Variants in PTK2 observed in about 807,000 individuals in gnomAD.
PTK2 encodes protein tyrosine kinase 2.
A neutral mutation model predicts 150.1 loss-of-function variants in PTK2; 45 were observed. That is an observed-to-expected ratio of 0.30 (90% confidence interval 0.24 to 0.38). The LOEUF (loss-of-function observed/expected upper bound fraction) is 0.38. PTK2 is among the 10% of genes least tolerant of loss of function. PTK2 has a pLI of 1.00. For synonymous variants in PTK2, 432 were observed against 449.2 expected, an observed-to-expected ratio of 0.96 and a Z score of 0.48; for missense variants, 919 against 1,307.3, an observed-to-expected ratio of 0.70 and a Z score of 4.58.
At chr8:140,901,862 G>C (rs2100158619) in intron 2 of PTK2, among the ~76,000 whole-genome samples, 1 of 151,924 alleles carries the variant, frequency 6.6e-6, no homozygotes, top group African/African-American at 2.4e-5. Context: ...CTGTGTCCAT[G>C]TGTTGTCATT....
chr8:140,692,268 A>ATGAG (rs1260395321), intron 26 of PTK2, among the ~76,000 whole-genome samples: 1 of 152,220 alleles, frequency 6.6e-6, no homozygotes, highest in African/African-American at 2.4e-5. Flanking sequence ...TGAATGAAAG[A>ATGAG]TGAGTGCCTA....
chr8:140,779,325 T>C (rs563361118), intron 14 of PTK2, among the ~76,000 whole-genome samples: 23 of 149,690 alleles, frequency 1.5e-4, no homozygotes, highest in African/African-American at 5.4e-4. Context: ...CCTCCCAAAC[T>C]ACGATGGGGG....
intron 27 of PTK2, among the ~76,000 whole-genome samples, chr8:140,684,220 T>C (rs891577213): frequency 9.2e-5 from 14 of 152,020 alleles, no homozygotes; most frequent in Admixed American, 7.9e-4. Flanking sequence ...ACTCAGGGGA[T>C]GGGGTGGGGG....
At chr8:140,791,776 G>C (rs2100088608) in intron 13 of PTK2, among the ~76,000 whole-genome samples, 1 of 152,164 alleles carries the variant, frequency 6.6e-6, no homozygotes, top group South Asian at 2.1e-4. Flanking sequence ...ATCATGCAAA[G>C]ACAGAATATT....
intron 1 of PTK2, among the ~76,000 whole-genome samples, chr8:140,967,402 C>A (rs1587910491): frequency 6.6e-6 from 1 of 151,734 alleles, no homozygotes; most frequent in East Asian, 1.9e-4. Flanking sequence ...AAGAAAATGT[C>A]TGTTTGATGC....
chr8:140,783,908 A>T (rs923939712), intron 14 of PTK2, among the ~76,000 whole-genome samples: 1 of 152,196 alleles, frequency 6.6e-6, no homozygotes, highest in Non-Finnish European at 1.5e-5. Flanking sequence ...ACTAATTTTA[A>T]TTCCAGCACT....
chr8:140,902,933 T>G (rs931048850), intron 2 of PTK2, among the ~76,000 whole-genome samples: 21,066 of 108,540 alleles, frequency 0.19, 2,094 homozygotes, highest in East Asian at 0.34. Context: ...TGTTTTTTTT[T>G]TTTTTTTTTT....
At chr8:140,945,481 G>A (rs933167001) in intron 1 of PTK2, among the ~76,000 whole-genome samples, 6 of 152,100 alleles carry the variant, frequency 3.9e-5, no homozygotes, top group Admixed American at 2.6e-4. Context: ...AGCTACTTGG[G>A]AGGTTGAGGC....
At chr8:140,760,204 G>C (rs952750574) in intron 16 of PTK2, among the ~76,000 whole-genome samples, 1 of 152,044 alleles carries the variant, frequency 6.6e-6, no homozygotes, top group Non-Finnish European at 1.5e-5. Flanking sequence ...CCTGGCGACA[G>C]AGCAAGACTC....
intron 22 of PTK2, among the ~76,000 whole-genome samples, chr8:140,733,281 T>A (rs953126753): frequency 3.0e-4 from 45 of 152,222 alleles, no homozygotes; most frequent in African/African-American, 1.0e-3. Flanking sequence ...TGGATAAACA[T>A]GATGCCCAGC....
chr8:140,880,568 G>T (rs542902485), intron 3 of PTK2, among the ~76,000 whole-genome samples: 60 of 152,212 alleles, frequency 3.9e-4, no homozygotes, highest in Admixed American at 1.4e-3. Flanking sequence ...TTTTTTAAAT[G>T]ATGCTGATAT....
At chr8:140,879,561 C>T (rs1687166375) in exon 4 of PTK2, 5 of 1,612,678 alleles carry the variant, frequency 3.1e-6, no homozygotes, top group African/African-American at 1.3e-5. Flanking sequence ...CTCCTCTGAC[C>T]GCAGGTGACT....
At chr8:140,791,049 G>A (rs139825302) in intron 13 of PTK2, among the ~76,000 whole-genome samples, 2 of 152,262 alleles carry the variant, frequency 1.3e-5, no homozygotes, top group East Asian at 1.9e-4. Context: ...TATAAGGTTT[G>A]TGGAAATTCC....
intron 26 of PTK2, among the ~76,000 whole-genome samples, chr8:140,697,202 T>A (rs997718168): frequency 6.8e-6 from 1 of 146,408 alleles, no homozygotes; most frequent in Middle Eastern, 3.7e-3. Flanking sequence ...GATGCCATCA[T>A]GGCCTCCAAG....
intron 1 of PTK2, among the ~76,000 whole-genome samples, chr8:140,927,119 A>T (rs1180985586): frequency 1.3e-5 from 2 of 152,238 alleles, no homozygotes; most frequent in Non-Finnish European, 2.9e-5. Context: ...CAAAGTGTTC[A>T]ATCTATCCAT....
In PTK2 at chr8:140,901,666, T is replaced by TA. The variant is rs912210769; in HGVS notation, c.-32-10898dup. Among the ~76,000 whole-genome samples the TA allele has an allele frequency of 7.9e-5, 12 of 151,078 alleles. No homozygotes were observed. In the South Asian group the frequency reaches 1.7e-3, roughly 21 times the overall value. ...GATCCTGTCTTTTTTTTTTTTTTTT[T>TA]AAATACTTTTAAGTTCTGGGATATA... On this transcript the variant is annotated intron_variant, in intron 2 of 31. Transcript: ENST00000522684.
intron 29 of PTK2, chr8:140,674,089 GA>G (rs2153323343): frequency 6.9e-6 from 5 of 721,058 alleles, no homozygotes; most frequent in Non-Finnish European, 1.3e-5. Context: ...GAGGAAAATG[GA>G]AAAGAAAATG....
At chr8:140,788,155 A>G (rs550320321) in intron 14 of PTK2, among the ~76,000 whole-genome samples, 1 of 152,316 alleles carries the variant, frequency 6.6e-6, no homozygotes, top group Non-Finnish European at 1.5e-5. Flanking sequence ...AGGATGATTA[A>G]CTGTTTACCT....
chr8:140,826,970 C>T (rs891941544), intron 8 of PTK2, among the ~76,000 whole-genome samples: 5 of 152,094 alleles, frequency 3.3e-5, no homozygotes, highest in Non-Finnish European at 7.4e-5. Flanking sequence ...CCTTCCCTCC[C>T]ATTCTTACAG....
Sources: gnomAD v4.1 joint callset for allele counts (sites outside exome capture counted in the v4.1 genomes callset) on GRCh38, gnomAD v4.1.1 for gene constraint, MANE v1.5 for transcripts, NCBI Gene and HGNC (gene_info 2026-07-23, HGNC 2026-07-21) for gene names.